The following PPRC1 variants were observed in gnomAD, a reference collection of about 807,000 sequenced individuals.
PPRC1 encodes peroxisome proliferator-activated receptor gamma coactivator-related protein 1.
Under a neutral mutation model 132.5 loss-of-function variants are expected in PPRC1, and 23 were observed. The ratio of observed to expected loss-of-function variants is 0.17; its 90% confidence interval spans 0.12 to 0.25. The LOEUF is 0.25. Among genes scored for constraint, PPRC1 ranks in the 10% least tolerant of loss-of-function variants. The pLI, the probability that PPRC1 is intolerant of heterozygous loss-of-function variation, is 1.00. For missense variants in PPRC1, 2,006 were observed against 2,089.1 expected, an observed-to-expected ratio of 0.96 and a Z score of 0.78; for synonymous variants, 872 against 833.5, an observed-to-expected ratio of 1.05 and a Z score of -0.80.
chr10:102,122,277 T>C, the PPRC1 span, among the ~76,000 whole-genome samples: 1 of 152,138 alleles, frequency 6.6e-6, no homozygotes, highest in Non-Finnish European at 1.5e-5. Flanking sequence ...TGTGGATACC[T>C]AGGTTTGAAC....
chr10:102,144,585 G>A (rs909991124), intron 7 of PPRC1: 1 of 525,848 alleles, frequency 1.9e-6, no homozygotes, highest in Non-Finnish European at 3.4e-6. Context: ...TACCTTTGGG[G>A]ATTTCTTTCT....
rs761201304 is a variant in PPRC1 at position 102,140,373 on chromosome 10, T to C, written c.1865T>C (p.Val622Ala). ...CTTGCTTCAACCAGCTCAGAACTGG[T>C]TGAGCCTCTCCCGGCTGAGCCAGTG... ...VDLASTSSEL[V>A]EPLPAEPVLI... Residue 622 changes from valine to alanine, a missense_variant, in exon 5 of 14, where the codon GTT becomes GCT. Physicochemically the swap from Val to Ala is moderately conservative, Grantham distance 64. Transcript: ENST00000278070. 6.2e-7 allele frequency: 1 copy of C among 1,614,160 alleles called. No homozygotes were observed. The highest frequency in any genetic ancestry group is 8.5e-7 in the Non-Finnish European group (1 of 1,180,024).
the PPRC1 span, among the ~76,000 whole-genome samples, chr10:102,121,040 C>G: frequency 8.3e-4 from 126 of 152,276 alleles, no homozygotes; most frequent in African/African-American, 2.9e-3. Flanking sequence ...ATTAACCACT[C>G]CTCCTTTGCC....
At chr10:102,123,191 C>T in the PPRC1 span, among the ~76,000 whole-genome samples, 2 of 152,228 alleles carry the variant, frequency 1.3e-5, no homozygotes, top group Non-Finnish European at 2.9e-5. Flanking sequence ...AGTTAGTTAA[C>T]TTTGCCAAGG....
At chr10:102,149,455 G>A in intron 13 of PPRC1, 126 bp downstream of exon 13, 1 of 1,166,280 alleles carries the variant, frequency 8.6e-7, no homozygotes, top group Non-Finnish European at 1.1e-6. Context: ...CAAGGGGGCT[G>A]GGCATGGTGG....
intron 5 of PPRC1, 38 bp from the exon 6 acceptor site, chr10:102,143,007 G>A: frequency 1.3e-6 from 2 of 1,577,156 alleles, no homozygotes; most frequent in Middle Eastern, 1.7e-4. Context: ...TAAGTTGATA[G>A]GGGCTCGTTT....
At chr10:102,134,025 G>A (rs1452432318) in intron 1 of PPRC1, among the ~76,000 whole-genome samples, 1 of 152,050 alleles carries the variant, frequency 6.6e-6, no homozygotes, top group Non-Finnish European at 1.5e-5. Flanking sequence ...AAGGGTTGTG[G>A]AGGAGTGAGT....
chr10:102,133,256 A>C, intron 1 of PPRC1, 35 bp downstream of exon 1: 1 of 1,261,636 alleles, frequency 7.9e-7, no homozygotes, highest in Non-Finnish European at 1.0e-6. Flanking sequence ...GACAGGCAGC[A>C]AAGCGGTGTG....
chr10:102,138,606 T>C lies in PPRC1; in HGVS notation c.343-13T>C. 6.2e-7 allele frequency: 1 copy of C among 1,613,294 alleles called. No individual in the cohort carries two copies. Among genetic ancestry groups the C allele is most frequent in the Non-Finnish European group, 8.5e-7 (1 of 1,179,600 alleles). ...GATGTTGGTAGGACCTTCTGGTTGT[T>C]TTTCTGGAGCAGAGCAGGTTATCTC... On this transcript the variant is annotated splice_polypyrimidine_tract_variant and intron_variant, in intron 2 of 13. Coordinates refer to ENST00000278070, the MANE Select transcript of PPRC1 (RefSeq NM_015062.5).
Position 102,140,735 on chromosome 10 carries a change from A to C in PPRC1, c.2227A>C (p.Thr743Pro), listed in dbSNP as rs1371839431. The change falls in exon 5 of 14, where the codon ACC becomes CCC. Residue 743 changes from threonine to proline, a missense_variant. Thr to Pro is a conservative substitution (Grantham distance 38, BLOSUM62 -1). This residue lies in a region of PPRC1 where 1,914 missense variants were observed against 1,917.2 expected (regional missense o/e 1.00). Coordinates refer to ENST00000278070, the MANE Select transcript of PPRC1 (RefSeq NM_015062.5). ...LKIESGTSAT[T>P]HEARPRPLSL... is the part of the protein sequence containing the mutation. ...AATTGAAAGTGGTACCAGTGCTACA[A>C]CCCATGAAGCCAGACCTCGGCCTCT... 2 of 1,613,988 alleles carry C rather than the reference A, an allele frequency of 1.2e-6. No homozygotes were observed. Among genetic ancestry groups the C allele is most frequent in the African/African-American group, 1.3e-5 (1 of 74,970 alleles).
At chr10:102,124,509 G>A in the PPRC1 span, among the ~76,000 whole-genome samples, 7 of 149,370 alleles carry the variant, frequency 4.7e-5, no homozygotes, top group African/African-American at 7.4e-5. Flanking sequence ...GATTACAGGC[G>A]CGCACCACCA....
rs757132329 is a variant in PPRC1, at chr10:102,139,799, A to G, written c.1291A>G (p.Arg431Gly). 19 of 1,614,082 alleles carry G rather than the reference A, an allele frequency of 1.2e-5. No individual in the cohort carries two copies. The African/African-American group carries it at 1.6e-4, about 14-fold the overall frequency. Residue 431 changes from arginine to glycine, a missense_variant, in exon 5 of 14, where the codon AGG becomes GGG. Physicochemically the swap from Arg to Gly is moderately radical, Grantham distance 125. Transcript: ENST00000278070. Reference sequence around the variant, plus strand: ...GGACTCAGCCTGCTTATTGAAGCCCAGGGAGGTCGTGGAGCCGGTGGTGCC... The same window carrying G: ...GGACTCAGCCTGCTTATTGAAGCCCGGGGAGGTCGTGGAGCCGGTGGTGCC... The part of the protein sequence containing the change: ...KLDSACLLKP[R>G]EVVEPVVPKE...
At chr10:102,133,883 G>GTT (rs113762917) in intron 1 of PPRC1, among the ~76,000 whole-genome samples, 2,210 of 149,922 alleles carry the variant, frequency 0.015, 26 homozygotes, top group Middle Eastern at 0.027. Context: ...AGCCTTGGAG[G>GTT]TTTTTTTTTT....
At position 102,139,191 on chromosome 10, in the gene PPRC1, C is replaced by T. The variant is rs1349192792; in HGVS notation, c.683C>T (p.Pro228Leu). ...SSPKLPSWRP[P>L]RSRPRWGQSP... ...CCCAAGCTTCCTAGCTGGAGACCCC[C>T]AAGATCAAGACCACGCTGGGGCCAA... The change falls in exon 5 of 14, where the codon CCA (proline) becomes CTA (leucine). Residue 228 changes from proline (P) to leucine (L), a missense_variant. This residue lies in a region of PPRC1 where 1,914 missense variants were observed against 1,917.2 expected (regional missense o/e 1.00). Coordinates refer to ENST00000278070, the MANE Select transcript of PPRC1 (RefSeq NM_015062.5). 1 of 1,614,182 alleles carries T rather than the reference C, an allele frequency of 6.2e-7. No homozygotes were observed. The highest frequency in any genetic ancestry group is 8.5e-7 in the Non-Finnish European group (1 of 1,180,006).
chr10:102,131,068 A>C (rs1272747320), upstream of PPRC1, among the ~76,000 whole-genome samples: 2 of 149,972 alleles, frequency 1.3e-5, no homozygotes, highest in Non-Finnish European at 3.0e-5. Context: ...GGTGGTGGGC[A>C]CCTGTAGTCC....
intron 1 of PPRC1, among the ~76,000 whole-genome samples, chr10:102,136,010 G>A (rs553348631): frequency 1.4e-4 from 21 of 152,236 alleles, no homozygotes; most frequent in Middle Eastern, 3.4e-3. Context: ...GAAGATGAGT[G>A]GTTCATAGAG....
rs764378196 is a variant in PPRC1 at position 102,144,304 on chromosome 10, C to T, written c.3605C>T (p.Ser1202Leu). Residue 1202 changes from serine to leucine, a missense_variant, in exon 7 of 14, where the codon TCA (serine) becomes TTA (leucine). Physicochemically the swap from Ser to Leu is moderately radical, Grantham distance 145. Transcript: ENST00000278070. ...GCTGACAGCTTGGCTGTAGGAAACT[C>T]AGGGTAAGTATGGAGACATGAGCGA... ...APADSLAVGN[S>L]GGVDIPQEKR... 79 of 1,613,774 alleles carry T rather than the reference C, an allele frequency of 4.9e-5. No homozygotes were observed. In the South Asian group the frequency reaches 8.5e-4, roughly 17 times the overall value.
At position 102,133,124 on chromosome 10, in the gene PPRC1, C is replaced by G. The variant is rs2068582105; in HGVS notation, c.56C>G (p.Pro19Arg). 3 of 1,248,046 alleles carry G rather than the reference C, an allele frequency of 2.4e-6. No homozygotes were observed. Among genetic ancestry groups the G allele is most frequent in the South Asian group, 4.1e-5 (1 of 24,594 alleles). 77.3% of individuals were successfully genotyped at this position (1,248,046 alleles called of 1,614,324 possible). Reference sequence around the variant, plus strand: ...GTCGCGCCGCCCCCGAGTGGGGGCCCCGGTCCGGACCCTGGCGGGGGAGCC... The same window carrying G: ...GTCGCGCCGCCCCCGAGTGGGGGCCGCGGTCCGGACCCTGGCGGGGGAGCC... Reference protein sequence around the residue: ...DGVAPPPSGGPGPDPGGGARG... With the variant: ...DGVAPPPSGGRGPDPGGGARG... The change falls in exon 1 of 14, where the codon CCC (proline) becomes CGC (arginine). Residue 19 changes from proline (P) to arginine (R), a missense_variant. Physicochemically the swap from Pro to Arg is moderately radical, Grantham distance 103. Around this residue, in one of 2 missense-constraint regions of PPRC1, gnomAD observed 1,914 missense variants for 1,917.2 expected, o/e 1.00. Coordinates refer to ENST00000278070, the MANE Select transcript of PPRC1 (RefSeq NM_015062.5).
Position 102,140,469 on chromosome 10 carries a change from C to T in PPRC1, c.1961C>T (p.Pro654Leu), listed in dbSNP as rs2068913423. 6.2e-7 allele frequency: 1 copy of T among 1,614,142 alleles called. No homozygotes were observed. Among genetic ancestry groups the T allele is most frequent in the African/African-American group, 1.3e-5 (1 of 75,018 alleles). Residue 654 changes from proline (P) to leucine (L), a missense_variant, in exon 5 of 14, where the codon CCA becomes CTA. Physicochemically the swap from Pro to Leu is moderately conservative, Grantham distance 98. Coordinates refer to ENST00000278070, the MANE Select transcript of PPRC1 (RefSeq NM_015062.5). ...GTGGTTCCCATCTCAGATAACTTGC[C>T]ACCAGTTGATGCTGTCCCGTCTGGC... ...PAVVPISDNL[P>L]PVDAVPSGPA... is the part of the protein sequence containing the mutation.
Sources: gnomAD v4.1 joint callset for allele counts (sites outside exome capture counted in the v4.1 genomes callset) on GRCh38, gnomAD v4.1.1 for gene constraint, gnomAD v4.1.1 regional missense constraint, MANE v1.5 for transcripts, NCBI Gene and HGNC (gene_info 2026-07-23, HGNC 2026-07-21) for gene names.